Variants in PRIM2 observed in about 807,000 individuals in gnomAD.
PRIM2 encodes DNA primase subunit 2.
A neutral mutation model predicts 67.3 loss-of-function variants in PRIM2; 39 were observed. That is an observed-to-expected ratio of 0.58 (90% CI 0.45 to 0.76). PRIM2 has a LOEUF of 0.76. PRIM2 is among the 30% of genes least tolerant of loss of function. The pLI is 0.00. For missense variants in PRIM2, 398 were observed against 598.7 expected (o/e 0.66, Z 3.50); for synonymous variants, 143 against 198.7 (o/e 0.72, Z 2.36).
chr6:57,385,559 A>T (rs12201359), intron 7 of PRIM2, among the ~76,000 whole-genome samples: 1 of 151,998 alleles, frequency 6.6e-6, no homozygotes, highest in African/African-American at 2.4e-5. Context: ...CTACCATCTA[A>T]CCTCCAGACC....
intron 7 of PRIM2, among the ~76,000 whole-genome samples, chr6:57,421,435 A>C (rs1443370674): frequency 6.6e-6 from 1 of 152,200 alleles, no homozygotes; most frequent in African/African-American, 2.4e-5. Flanking sequence ...TTAATGAAGC[A>C]ACAGCTCTCT....
At chr6:57,326,368 C>T (rs1018659571) in intron 5 of PRIM2, 6 of 189,170 alleles carry the variant, frequency 3.2e-5, no homozygotes, top group Non-Finnish European at 6.4e-5. Context: ...TTAAACTAGA[C>T]AAGTGGTAGT....
At chr6:57,291,297 C>G in the PRIM2 span, among the ~76,000 whole-genome samples, 1 of 152,022 alleles carries the variant, frequency 6.6e-6, no homozygotes, top group Non-Finnish European at 1.5e-5. Flanking sequence ...AAGACTAAAC[C>G]AGGAAGAAGT....
At chr6:57,428,020 C>T (rs1771689023) in intron 7 of PRIM2, among the ~76,000 whole-genome samples, 2 of 151,642 alleles carry the variant, frequency 1.3e-5, no homozygotes, top group Non-Finnish European at 2.9e-5. Context: ...AATCCTGTGG[C>T]TACATTTAGA....
At chr6:57,503,435 CAG>C (rs1227473543) in intron 7 of PRIM2, among the ~76,000 whole-genome samples, 2 of 152,074 alleles carry the variant, frequency 1.3e-5, no homozygotes, top group Non-Finnish European at 2.9e-5. Flanking sequence ...CACCAAAAAT[CAG>C]AGAGACATAG....
chr6:57,526,329 C>T (rs1429805265), intron 8 of PRIM2, among the ~76,000 whole-genome samples: 1 of 152,104 alleles, frequency 6.6e-6, no homozygotes, highest in African/African-American at 2.4e-5. Flanking sequence ...ATAAATTATG[C>T]ATAGGGAGTG....
intron 5 of PRIM2, among the ~76,000 whole-genome samples, chr6:57,378,230 T>G (rs1187504463): frequency 1.3e-5 from 2 of 151,986 alleles, no homozygotes; most frequent in African/African-American, 4.8e-5. Flanking sequence ...CTGGCTAATG[T>G]TTTAATTTTT....
chr6:57,527,945 G>GTA (rs1388644341), intron 8 of PRIM2, among the ~76,000 whole-genome samples: 1 of 152,090 alleles, frequency 6.6e-6, no homozygotes, highest in African/African-American at 2.4e-5. Flanking sequence ...TCTATTACGT[G>GTA]TATGTCTTTT....
chr6:57,346,643 A>T (rs1768687993), intron 5 of PRIM2, among the ~76,000 whole-genome samples: 2 of 152,040 alleles, frequency 1.3e-5, no homozygotes, highest in African/African-American at 2.4e-5. Context: ...AAAATTCCAT[A>T]ATCTTTATAA....
chr6:57,279,830 G>C, the PRIM2 span, among the ~76,000 whole-genome samples: 2 of 152,166 alleles, frequency 1.3e-5, no homozygotes, highest in Non-Finnish European at 2.9e-5. Flanking sequence ...GGTAGCATGG[G>C]GTAGAGAGGA....
intron 7 of PRIM2, among the ~76,000 whole-genome samples, chr6:57,444,155 T>G (rs1772290140): frequency 6.6e-6 from 1 of 152,176 alleles, no homozygotes; most frequent in African/African-American, 2.4e-5. Flanking sequence ...AAAATTTGGG[T>G]GATTCAAACA....
the PRIM2 span, among the ~76,000 whole-genome samples, chr6:57,233,945 A>C: frequency 6.6e-6 from 1 of 152,080 alleles, no homozygotes; most frequent in African/African-American, 2.4e-5. Flanking sequence ...TTACACATGT[A>C]AGCCGCCATC....
intron 7 of PRIM2, among the ~76,000 whole-genome samples, chr6:57,439,207 T>G (rs1292757822): frequency 2.6e-5 from 4 of 152,124 alleles, no homozygotes; most frequent in Non-Finnish European, 4.4e-5. Flanking sequence ...TATTTTGTCT[T>G]TTTAGTGGAA....
At chr6:57,399,530 A>G (rs1581864423) in intron 7 of PRIM2, among the ~76,000 whole-genome samples, 2 of 152,322 alleles carry the variant, frequency 1.3e-5, no homozygotes, top group East Asian at 3.9e-4. Flanking sequence ...TAGCAGCATG[A>G]TTTATAATCC....
At chr6:57,629,715 C>G (rs1777011450) in intron 12 of PRIM2, among the ~76,000 whole-genome samples, 1 of 148,516 alleles carries the variant, frequency 6.7e-6, no homozygotes, top group Non-Finnish European at 1.5e-5. Context: ...GTTCCCAGCA[C>G]AGCAGGCAAA....
chr6:57,324,133 C>A, intron 3 of PRIM2, 68 bp from the exon 4 acceptor site: 1 of 849,298 alleles, frequency 1.2e-6, no homozygotes, highest in African/African-American at 1.7e-5. Flanking sequence ...CTTAGGCTGG[C>A]TCAGTATTTC....
At chr6:57,363,645 G>T (rs1356402403) in intron 5 of PRIM2, among the ~76,000 whole-genome samples, 2 of 152,068 alleles carry the variant, frequency 1.3e-5, no homozygotes, top group Non-Finnish European at 2.9e-5. Context: ...TCATTTGAAG[G>T]TAAGACAGCC....
chr6:57,370,453 T>C (rs1169422122), intron 5 of PRIM2, among the ~76,000 whole-genome samples: 2 of 152,218 alleles, frequency 1.3e-5, no homozygotes, highest in Non-Finnish European at 2.9e-5. Flanking sequence ...TCAATGAGAA[T>C]TGTCTTGTAT....
Position 57,612,104 on chromosome 6 carries a change from C to T in PRIM2, c.1230+5647C>T, listed in dbSNP as rs1776676883. Among the ~76,000 whole-genome samples, 4 of 152,112 alleles carry T rather than the reference C, an allele frequency of 2.6e-5. No homozygotes were observed. In the South Asian group the frequency reaches 8.3e-4, roughly 32 times the overall value. On this transcript the variant is annotated intron_variant, in intron 12 of 13. Coordinates refer to ENST00000615550, the MANE Select transcript of PRIM2 (RefSeq NM_000947.5). ...GCAATACTAAGTGCTAGTGAGGATG[C>T]AGAGTGACTGAAAGTCTCATACAAT... is the stretch of plus-strand genomic sequence containing the variant.
Sources: gnomAD v4.1 joint callset for allele counts (sites outside exome capture counted in the v4.1 genomes callset) on GRCh38, gnomAD v4.1.1 for gene constraint, MANE v1.5 for transcripts, NCBI Gene and HGNC (gene_info 2026-07-23, HGNC 2026-07-21) for gene names.